KRTAP10-9: variants seen among roughly 807,000 people sequenced by gnomAD.
The protein encoded by KRTAP10-9 is keratin associated protein 10-9, also known as keratin-associated protein 10-9.
A neutral mutation model predicts 0.5 loss-of-function variants in KRTAP10-9; 1 was observed. The observed-to-expected ratio is 1.92, with a 90% CI of 0.68 to 9.09. KRTAP10-9 has a LOEUF of 9.09. Ranked by LOEUF, KRTAP10-9 falls within the 30% of genes most tolerant of loss-of-function variation. The pLI is 0.13. For synonymous variants in KRTAP10-9, 199 were observed against 159.8 expected, an observed-to-expected ratio of 1.25 and a Z score of -1.85; for missense variants, 391 against 376.4, an observed-to-expected ratio of 1.04 and a Z score of -0.32.
At position 44,627,243 on chromosome 21, in the gene KRTAP10-9, G is replaced by C. The variant is rs201201187; in HGVS notation, c.72G>C (p.Glu24Asp). ...SDSWQVDDCP[E>D]SCCEPPCCAT... ...CCTGGCAGGTGGACGACTGCCCAGAGAGCTGCTGTGAGCCCCCCTGCTGCG... is the reference window on the plus strand; with the variant it reads ...CCTGGCAGGTGGACGACTGCCCAGACAGCTGCTGTGAGCCCCCCTGCTGCG... Residue 24 changes from glutamate to aspartate, a missense_variant, in exon 1 of 1, where the codon GAG becomes GAC. Glu to Asp is a conservative substitution (Grantham distance 45, BLOSUM62 2). Coordinates refer to ENST00000397911, the MANE Select transcript of KRTAP10-9 (RefSeq NM_198690.3). The C allele has an allele frequency of 1.2e-6, 2 of 1,612,614 alleles. No homozygotes were observed. Among genetic ancestry groups the C allele is most frequent in the South Asian group, 1.1e-5 (1 of 91,016 alleles).
Position 44,627,744 on chromosome 21 carries a change from C to T in KRTAP10-9, c.573C>T (p.Val191=). 6.3e-7 allele frequency: 1 copy of T among 1,595,354 alleles called. No homozygotes were observed. The highest frequency in any genetic ancestry group is 1.3e-5 in the African/African-American group (1 of 74,516). ...SYCVPVCCKP[V]CCKPICCVPV... ...GTGTGCCTGTCTGCTGTAAGCCTGT[C>T]TGCTGCAAACCCATCTGCTGTGTGC... is the stretch of plus-strand genomic sequence containing the variant. Residue 191 remains valine, a synonymous_variant, in exon 1 of 1, where the codon GTC becomes GTT. Transcript: ENST00000397911.
In KRTAP10-9 at chr21:44,627,628, C is replaced by T. The variant is rs1331991026; in HGVS notation, c.457C>T (p.Pro153Ser). 8.1e-6 allele frequency: 13 copies of T among 1,612,110 alleles called. No homozygotes were observed. Among genetic ancestry groups the T allele is most frequent in the Non-Finnish European group, 1.1e-5 (13 of 1,179,348 alleles). The change falls in exon 1 of 1, where the codon CCC becomes TCC. Residue 153 changes from proline to serine, a missense_variant. Coordinates refer to ENST00000397911, the MANE Select transcript of KRTAP10-9 (RefSeq NM_198690.3). ...PVCCKPVCCA[P>S]TCSEDSYSCC... ...CTGCTGCAAACCTGTGTGCTGTGCG[C>T]CCACCTGCTCTGAGGATTCCTATTC...
At position 44,628,298 on chromosome 21, in the gene KRTAP10-9, G is replaced by A. The variant is rs1601505071; in HGVS notation, c.*248G>A. 2 of 385,564 alleles carry A rather than the reference G, an allele frequency of 5.2e-6. No individual in the cohort carries two copies. Among genetic ancestry groups the A allele is most frequent in the East Asian group, 7.1e-5 (2 of 28,094 alleles). 23.9% of individuals were successfully genotyped at this position (385,564 alleles called of 1,614,324 possible). A position where few individuals can be genotyped will look rare whatever the true frequency, so the allele number is the denominator to read the frequency against. The stretch of plus-strand genomic sequence containing the variant: ...AACCCTCCGCTGGTCGCTGGTTGGG[G>A]ACGGGCCCTCCTGACCCGGGTCTCA... On this transcript the variant is annotated 3_prime_UTR_variant, in exon 1 of 1. Coordinates refer to ENST00000397911, the MANE Select transcript of KRTAP10-9 (RefSeq NM_198690.3).
rs371543899 is a variant in KRTAP10-9, at chr21:44,627,993, T to C, written c.822T>C (p.Pro274=). 104 of 1,610,768 alleles carry C rather than the reference T, an allele frequency of 6.5e-5. No individual in the cohort carries two copies. The Middle Eastern group carries it at 8.2e-4, about 13-fold the overall frequency. The change falls in exon 1 of 1, where the codon CCT becomes CCC. Residue 274 remains proline (P), a synonymous_variant. Coordinates refer to ENST00000397911, the MANE Select transcript of KRTAP10-9 (RefSeq NM_198690.3). ...QASCVSLLCR[P]VCSRPACYSF... is the part of the protein sequence containing the mutation. Reference sequence around the variant, plus strand: ...CCTGTGTGTCCCTTCTCTGCCGCCCTGTGTGCTCCCGCCCGGCCTGCTACA... The same window carrying C: ...CCTGTGTGTCCCTTCTCTGCCGCCCCGTGTGCTCCCGCCCGGCCTGCTACA...
chr21:44,627,831 C>A (rs1219528002), intron 1 of KRTAP10-9: 2 of 1,613,996 alleles, frequency 1.2e-6, no homozygotes, highest in Middle Eastern at 3.3e-4. Context: ...CGGCTTGCTG[C>A]ACCACCTCCT....
Position 44,628,213 on chromosome 21 carries a change from C to A in KRTAP10-9, c.*163C>A. On this transcript the variant is annotated 3_prime_UTR_variant, in exon 1 of 1. Coordinates refer to ENST00000397911, the MANE Select transcript of KRTAP10-9 (RefSeq NM_198690.3). ...AGATGCTCACTGGCTCCTCCCTGAC[C>A]TCCCCCCCGGGCAGGCGAGCCCTGG... is the stretch of plus-strand genomic sequence containing the variant. The A allele has an allele frequency of 2.5e-6, 2 of 797,640 alleles. No individual in the cohort carries two copies. Among genetic ancestry groups the A allele is most frequent in the Non-Finnish European group, 3.7e-6 (2 of 540,250 alleles). 49.4% of individuals were successfully genotyped at this position (797,640 alleles called of 1,614,324 possible). A position where few individuals can be genotyped will look rare whatever the true frequency, so the allele number is the denominator to read the frequency against.
rs1982950929 is a variant in KRTAP10-9, at chr21:44,627,781, G to A, written c.610G>A (p.Gly204Arg). ...KPICCVPVCSGASSLCCQQSG... is the reference protein window; with the variant it reads ...KPICCVPVCSRASSLCCQQSG... ...CATCTGCTGTGTGCCTGTCTGCTCT[G>A]GGGCTTCCTCTTTGTGCTGCCAGCA... The change falls in exon 1 of 1, where the codon GGG becomes AGG. Residue 204 changes from glycine to arginine, a missense_variant. Physicochemically the swap from Gly to Arg is moderately radical, Grantham distance 125 (BLOSUM62 -2). Coordinates refer to ENST00000397911, the MANE Select transcript of KRTAP10-9 (RefSeq NM_198690.3). The A allele has an allele frequency of 1.9e-6, 3 of 1,599,976 alleles. No individual in the cohort carries two copies. Among genetic ancestry groups the A allele is most frequent in the Non-Finnish European group, 2.6e-6 (3 of 1,171,564 alleles).
Position 44,627,577 on chromosome 21 carries a change from T to C in KRTAP10-9, c.406T>C (p.Cys136Arg), listed in dbSNP as rs201991753. ...YQPACCASSS[C>R]QPACCVPVCC... is the part of the protein sequence containing the mutation. ...GCCAGCTTGCTGTGCCTCTTCCTCC[T>C]GCCAGCCGGCCTGCTGTGTGCCCGT... is the stretch of plus-strand genomic sequence containing the variant. Residue 136 changes from cysteine (C) to arginine (R), a missense_variant, in exon 1 of 1, where the codon TGC becomes CGC. By Grantham distance (180) the Cys-to-Arg change is radical (BLOSUM62 -3). Transcript: ENST00000397911. 5.6e-4 allele frequency: 904 copies of C among 1,613,626 alleles called. 6 individuals are homozygous for C. In the African/African-American group the frequency reaches 0.01, roughly 18 times the overall value.
chr21:44,627,851 C>T lies in KRTAP10-9; in HGVS notation c.680C>T (p.Pro227Leu), dbSNP rs782308481. 1.2e-6 allele frequency: 2 copies of T among 1,613,942 alleles called. No homozygotes were observed. The highest frequency in any genetic ancestry group is 1.3e-5 in the African/African-American group (1 of 75,014). Residue 227 changes from proline to leucine, a missense_variant, in exon 1 of 1, where the codon CCC becomes CTC. By Grantham distance (98) the Pro-to-Leu change is moderately conservative. Transcript: ENST00000397911. ...PACCTTSCCRPSSSVSLLCRP... is the reference protein window; with the variant it reads ...PACCTTSCCRLSSSVSLLCRP... ...TGCTGCACCACCTCCTGCTGCAGAC[C>T]CTCCTCCTCTGTGTCCCTCCTCTGC...
intron 1 of KRTAP10-9, chr21:44,627,888 C>A: frequency 6.2e-7 from 1 of 1,613,078 alleles, no homozygotes; most frequent in Non-Finnish European, 8.5e-7. Context: ...GCCCTGTGTG[C>A]AGGCCCGCCT....
rs1219671360 is a variant in KRTAP10-9, at chr21:44,628,122, C to T, written c.*72C>T. On this transcript the variant is annotated 3_prime_UTR_variant, in exon 1 of 1. Coordinates refer to ENST00000397911, the MANE Select transcript of KRTAP10-9 (RefSeq NM_198690.3). ...CCAGTCCTTGGACCTCCCAGCCCACCCAGCCTCAGCACAGCTCAACACAGA... is the reference window on the plus strand; with the variant it reads ...CCAGTCCTTGGACCTCCCAGCCCACTCAGCCTCAGCACAGCTCAACACAGA... 2 of 1,544,578 alleles carry T rather than the reference C, an allele frequency of 1.3e-6. No homozygotes were observed. The highest frequency in any genetic ancestry group is 1.8e-6 in the Non-Finnish European group (2 of 1,137,530).
chr21:44,628,221 C>A lies in KRTAP10-9; in HGVS notation c.*171C>A, dbSNP rs112351109. The A allele has an allele frequency of 2.6e-5, 18 of 701,696 alleles. No homozygotes were observed. Among genetic ancestry groups the A allele is most frequent in the Non-Finnish European group, 3.8e-5 (17 of 447,798 alleles). 43.5% of individuals were successfully genotyped at this position (701,696 alleles called of 1,614,324 possible). A position where few individuals can be genotyped will look rare whatever the true frequency, so the allele number is the denominator to read the frequency against. The stretch of plus-strand genomic sequence containing the variant: ...ACTGGCTCCTCCCTGACCTCCCCCC[C>A]GGGCAGGCGAGCCCTGGCTTCTCCT... On this transcript the variant is annotated 3_prime_UTR_variant, in exon 1 of 1. Transcript: ENST00000397911.
rs782484840 is a variant in KRTAP10-9, at chr21:44,627,920, GCTGTGCCCCCACCTCCTC to G, written c.751_768del (p.Cys251_Ser256del). 3 of 1,519,892 alleles carry G rather than the reference GCTGTGCCCCCACCTCCTC, an allele frequency of 2.0e-6. No individual in the cohort carries two copies. In the East Asian group the frequency reaches 7.2e-5, roughly 37 times the overall value. 94.2% of individuals were successfully genotyped at this position (1,519,892 alleles called of 1,614,324 possible). A position where few individuals can be genotyped will look rare whatever the true frequency, so the allele number is the denominator to read the frequency against. On this transcript the variant is annotated inframe_deletion, in exon 1 of 1. Coordinates refer to ENST00000397911, the MANE Select transcript of KRTAP10-9 (RefSeq NM_198690.3). Reference sequence around the variant, plus strand: ...GCCTGCTGCGTGCCCGTCTCCTCCTGCTGTGCCCCCACCTCCTCCCGCCAGCCCAGCTATTGCCGCCAG... The same window carrying G: ...GCCTGCTGCGTGCCCGTCTCCTCCTGCCGCCAGCCCAGCTATTGCCGCCAG...
Position 44,627,316 on chromosome 21 carries a change from C to T in KRTAP10-9, c.145C>T (p.Pro49Ser), listed in dbSNP as rs1405548498. The change falls in exon 1 of 1, where the codon CCA becomes TCA. Residue 49 changes from proline (P) to serine (S), a missense_variant. By Grantham distance (74) the Pro-to-Ser change is moderately conservative. Transcript: ENST00000397911. ...CCCCTGCCTGACCCTGGTCTGCACC[C>T]CAGTGAGCCGTGTATCCAGCCCCTG... ...PAPCLTLVCT[P>S]VSRVSSPCCQ... is the part of the protein sequence containing the mutation. 1.2e-6 allele frequency: 2 copies of T among 1,612,970 alleles called. No homozygotes were observed. Among genetic ancestry groups the T allele is most frequent in the Non-Finnish European group, 1.7e-6 (2 of 1,179,952 alleles).
At position 44,627,584 on chromosome 21, in the gene KRTAP10-9, C is replaced by A. The variant is rs370125305; in HGVS notation, c.413C>A (p.Pro138Gln). Residue 138 changes from proline (P) to glutamine (Q), a missense_variant, in exon 1 of 1, where the codon CCG (proline) becomes CAG (glutamine). Coordinates refer to ENST00000397911, the MANE Select transcript of KRTAP10-9 (RefSeq NM_198690.3). ...TGCTGTGCCTCTTCCTCCTGCCAGC[C>A]GGCCTGCTGTGTGCCCGTCTGCTGC... The part of the protein sequence containing the change: ...PACCASSSCQ[P>Q]ACCVPVCCKP... 14 of 1,612,308 alleles carry A rather than the reference C, an allele frequency of 8.7e-6. No homozygotes were observed. The highest frequency in any genetic ancestry group is 3.3e-4 in the Middle Eastern group (2 of 6,060).
In KRTAP10-9 at chr21:44,628,233, C is replaced by T. The variant is rs587659429; in HGVS notation, c.*183C>T. The T allele has an allele frequency of 3.1e-6, 2 of 654,388 alleles. No homozygotes were observed. Among genetic ancestry groups the T allele is most frequent in the Non-Finnish European group, 5.1e-6 (2 of 391,106 alleles). 40.5% of individuals were successfully genotyped at this position (654,388 alleles called of 1,614,324 possible). ...CTGACCTCCCCCCCGGGCAGGCGAG[C>T]CCTGGCTTCTCCTCACGGTGCTTCC... On this transcript the variant is annotated 3_prime_UTR_variant, in exon 1 of 1. Transcript: ENST00000397911.
Position 44,627,631 on chromosome 21 carries a change from A to G in KRTAP10-9, c.460A>G (p.Thr154Ala), listed in dbSNP as rs1555934757. The change falls in exon 1 of 1, where the codon ACC becomes GCC. Residue 154 changes from threonine to alanine, a missense_variant. By Grantham distance (58) the Thr-to-Ala change is moderately conservative (BLOSUM62 0). Coordinates refer to ENST00000397911, the MANE Select transcript of KRTAP10-9 (RefSeq NM_198690.3). ...VCCKPVCCAP[T>A]CSEDSYSCCQ... ...CTGCAAACCTGTGTGCTGTGCGCCC[A>G]CCTGCTCTGAGGATTCCTATTCATG... is the stretch of plus-strand genomic sequence containing the variant. 5 of 1,601,174 alleles carry G rather than the reference A, an allele frequency of 3.1e-6. No homozygotes were observed. The Admixed American group carries it at 8.5e-5, about 27-fold the overall frequency.
chr21:44,627,118 C>G lies in KRTAP10-9; in HGVS notation c.-54C>G. On this transcript the variant is annotated 5_prime_UTR_variant, in exon 1 of 1. Transcript: ENST00000397911. ...ACACACTCACAAACTCACTCACTGA[C>G]ACACTCACACACTCACTTACACCTC... 1 of 1,582,922 alleles carries G rather than the reference C, an allele frequency of 6.3e-7. No individual in the cohort carries two copies. Among genetic ancestry groups the G allele is most frequent in the Non-Finnish European group, 8.6e-7 (1 of 1,163,214 alleles).
chr21:44,627,864 G>A lies in KRTAP10-9; in HGVS notation c.693G>A (p.Val231=), dbSNP rs372169224. 2 of 1,613,180 alleles carry A rather than the reference G, an allele frequency of 1.2e-6. No individual in the cohort carries two copies. The highest frequency in any genetic ancestry group is 8.5e-7 in the Non-Finnish European group (1 of 1,179,670). ...CCTGCTGCAGACCCTCCTCCTCTGT[G>A]TCCCTCCTCTGCCGCCCTGTGTGCA... ...TTSCCRPSSS[V]SLLCRPVCRP... is the part of the protein sequence containing the mutation. Residue 231 remains valine, a synonymous_variant, in exon 1 of 1, where the codon GTG becomes GTA. Coordinates refer to ENST00000397911, the MANE Select transcript of KRTAP10-9 (RefSeq NM_198690.3).
Sources: gnomAD v4.1 joint callset for allele counts on GRCh38, gnomAD v4.1.1 for gene constraint, MANE v1.5 for transcripts, NCBI Gene and HGNC (gene_info 2026-07-23, HGNC 2026-07-21) for gene names.